EIF4E1B: variants seen among roughly 807,000 people sequenced by gnomAD.
EIF4E1B encodes the protein eukaryotic translation initiation factor 4E type 1B.
Under a neutral mutation model 31.3 loss-of-function variants are expected in EIF4E1B, and 22 were observed. That is an observed-to-expected ratio of 0.70 (90% CI 0.50 to 1.00). The LOEUF is 1.00. EIF4E1B is among the 50% of genes least tolerant of loss of function. The pLI, the probability that EIF4E1B is intolerant of heterozygous loss-of-function variation, is 0.00. For synonymous variants in EIF4E1B, 126 were observed against 120.2 expected, an observed-to-expected ratio of 1.05 and a Z score of -0.31; for missense variants, 290 against 311.6, an observed-to-expected ratio of 0.93 and a Z score of 0.52.
At chr5:176,631,907 G>C (rs573968338) in intron 1 of EIF4E1B, among the ~76,000 whole-genome samples, 1 of 152,234 alleles carries the variant, frequency 6.6e-6, no homozygotes, top group East Asian at 1.9e-4. Flanking sequence ...AACTGAAAAT[G>C]ATCTAAATGA....
intron 1 of EIF4E1B, among the ~76,000 whole-genome samples, chr5:176,636,203 C>A (rs562561484): frequency 8.5e-5 from 13 of 152,326 alleles, no homozygotes; most frequent in African/African-American, 2.9e-4. Context: ...TACTGGGTCA[C>A]CACTCTCTAG....
At chr5:176,640,154 C>T (rs1321908583) in intron 1 of EIF4E1B, among the ~76,000 whole-genome samples, 1 of 152,224 alleles carries the variant, frequency 6.6e-6, no homozygotes, top group Non-Finnish European at 1.5e-5. Context: ...TCTTGGGATG[C>T]TTGCTCTGGG....
chr5:176,638,922 C>T lies in EIF4E1B; in HGVS notation c.-201-3121C>T, dbSNP rs1008757019. On this transcript the variant is annotated intron_variant, in intron 1 of 8. Coordinates refer to ENST00000318682, the MANE Select transcript of EIF4E1B (RefSeq NM_001099408.2). The surrounding 1 kb of genome is among the most constrained non-coding windows in gnomAD (Gnocchi z 4.3). ...CCCAAGTAGCTGGGATTACAGGTGC[C>T]TGCCACCATGCCCAACTAGTTTTGT... Among the ~76,000 whole-genome samples the T allele has an allele frequency of 6.6e-6, 1 of 152,126 alleles. No homozygotes were observed. The highest frequency in any genetic ancestry group is 1.5e-5 in the Non-Finnish European group (1 of 68,034).
chr5:176,635,798 TTGTC>T (rs1355281090), intron 1 of EIF4E1B, among the ~76,000 whole-genome samples: 2 of 151,946 alleles, frequency 1.3e-5, no homozygotes, highest in African/African-American at 4.8e-5. Context: ...TATCTGCCAG[TTGTC>T]TGTCTTTTTC....
intron 1 of EIF4E1B, among the ~76,000 whole-genome samples, chr5:176,635,605 C>T (rs542166591): frequency 6.6e-6 from 1 of 152,290 alleles, no homozygotes; most frequent in Admixed American, 6.5e-5. Context: ...TTAAACAAGT[C>T]CAGTGGTGGG....
chr5:176,643,124 G>A lies in EIF4E1B; in HGVS notation c.58G>A (p.Glu20Lys), dbSNP rs759996438. 3.7e-6 allele frequency: 6 copies of A among 1,613,288 alleles called. No individual in the cohort carries two copies. Among genetic ancestry groups the A allele is most frequent in the Non-Finnish European group, 5.1e-6 (6 of 1,179,772 alleles). ...EGGIREWEEE[E>K]KEEEAAERTP... ...TGGAATCCGAGAGTGGGAGGAGGAG[G>A]AGAAGGAGGAGGAGGCAGCAGAGAG... Residue 20 changes from glutamate (E) to lysine (K), a missense_variant, in exon 4 of 9, where the codon GAG becomes AAG. Glu to Lys is a moderately conservative substitution (Grantham distance 56, BLOSUM62 1). Coordinates refer to ENST00000318682, the MANE Select transcript of EIF4E1B (RefSeq NM_001099408.2).
chr5:176,643,851 T>C (rs1760642768), intron 5 of EIF4E1B, 117 bp downstream of exon 5: 2 of 1,099,432 alleles, frequency 1.8e-6, no homozygotes, highest in Non-Finnish European at 2.6e-6. Flanking sequence ...GCTGGGGCTT[T>C]GTGGGTTCTG....
intron 3 of EIF4E1B, 139 bp from the exon 4 acceptor site, chr5:176,642,943 G>A: frequency 6.8e-7 from 1 of 1,462,592 alleles, no homozygotes; most frequent in Non-Finnish European, 9.1e-7. Flanking sequence ...GTCCTCCATG[G>A]AGTTTGAGCT....
rs1173485960 is a variant in EIF4E1B at position 176,643,154 on chromosome 5, C to G, written c.88C>G (p.Pro30Ala). ...EKEEEAAERT[P>A]TGEKSPNSPR... ...GGAGGAGGAGGCAGCAGAGAGGACG[C>G]CCACAGGAGAAAAGTCTCCAAACTC... Residue 30 changes from proline to alanine, a missense_variant, in exon 4 of 9, where the codon CCC (proline) becomes GCC (alanine). Physicochemically the swap from Pro to Ala is conservative, Grantham distance 27. Transcript: ENST00000318682. 4 of 1,613,826 alleles carry G rather than the reference C, an allele frequency of 2.5e-6. No homozygotes were observed. The East Asian group carries it at 8.9e-5, about 36-fold the overall frequency.
At position 176,646,044 on chromosome 5, in the gene EIF4E1B, G is replaced by A; in HGVS notation, c.*64G>A. 2 of 1,404,202 alleles carry A rather than the reference G, an allele frequency of 1.4e-6. No homozygotes were observed. The highest frequency in any genetic ancestry group is 2.0e-6 in the Non-Finnish European group (2 of 1,015,734). 87.0% of individuals were successfully genotyped at this position (1,404,202 alleles called of 1,614,324 possible). On this transcript the variant is annotated 3_prime_UTR_variant, in exon 9 of 9. Transcript: ENST00000318682. ...GCCACTGAGCCTCATTACTTTGGGG[G>A]ATGGGGCGGGACTGGGGATCAGACA... is the stretch of plus-strand genomic sequence containing the variant.
Position 176,646,026 on chromosome 5 carries a change from A to C in EIF4E1B, c.*46A>C. The C allele has an allele frequency of 6.6e-7, 1 of 1,510,802 alleles. No homozygotes were observed. Among genetic ancestry groups the C allele is most frequent in the East Asian group, 2.4e-5 (1 of 41,228 alleles). The allele number at this position is 1,510,802 out of a possible 1,614,324, so 93.6% of individuals were successfully genotyped here. A position where few individuals can be genotyped will look rare whatever the true frequency, so the allele number is the denominator to read the frequency against. ...CTATGTAATGGGACAGCCGCCACTG[A>C]GCCTCATTACTTTGGGGGATGGGGC... On this transcript the variant is annotated 3_prime_UTR_variant, in exon 9 of 9. Transcript: ENST00000318682.
At chr5:176,643,500 C>G in intron 4 of EIF4E1B, 139 bp from the exon 5 acceptor site, 1 of 900,130 alleles carries the variant, frequency 1.1e-6, no homozygotes, top group Non-Finnish European at 1.7e-6. Flanking sequence ...TTTCATTCAC[C>G]TGAGAGGGGA....
intron 1 of EIF4E1B, among the ~76,000 whole-genome samples, chr5:176,635,790 T>C (rs568891629): frequency 6.6e-6 from 1 of 152,254 alleles, no homozygotes; most frequent in African/African-American, 2.4e-5. Context: ...AAAAAGAATA[T>C]CTGCCAGTTG....
chr5:176,642,615 A>T, intron 2 of EIF4E1B, 95 bp from the exon 3 acceptor site: 2 of 1,052,204 alleles, frequency 1.9e-6, no homozygotes, highest in Non-Finnish European at 2.7e-6. Context: ...TGCCATCGGC[A>T]GGGCCGTCCA....
At chr5:176,642,844 C>G in intron 3 of EIF4E1B, 42 bp downstream of exon 3, 1 of 1,433,574 alleles carries the variant, frequency 7.0e-7, no homozygotes, top group Non-Finnish European at 9.2e-7. Flanking sequence ...ACCATGGCCC[C>G]GCCCTCTCCC....
At chr5:176,635,337 G>C (rs1018171629) in intron 1 of EIF4E1B, among the ~76,000 whole-genome samples, 2 of 152,092 alleles carry the variant, frequency 1.3e-5, no homozygotes, top group African/African-American at 4.8e-5. Flanking sequence ...TGGGTGACTG[G>C]GGAGCTGAAT....
At position 176,638,183 on chromosome 5, in the gene EIF4E1B, G is replaced by A. The variant is rs1760524185; in HGVS notation, c.-201-3860G>A. Among the ~76,000 whole-genome samples, 1 of 152,168 alleles carries A rather than the reference G, an allele frequency of 6.6e-6. No individual in the cohort carries two copies. On this transcript the variant is annotated intron_variant, in intron 1 of 8. Transcript: ENST00000318682. The surrounding 1 kb of genome is among the most constrained non-coding windows in gnomAD (Gnocchi z 4.3). ...GTAGATACCCAGATGGAGCTGTCGG[G>A]CGGGCAGTTGGATATGCTCTTCTGG...
intron 1 of EIF4E1B, among the ~76,000 whole-genome samples, chr5:176,631,757 G>A (rs1760393771): frequency 6.6e-6 from 1 of 152,140 alleles, no homozygotes; most frequent in Non-Finnish European, 1.5e-5. Context: ...ATCTGGCAAT[G>A]TTTACCAAGC....
At chr5:176,639,633 C>T (rs919187538) in intron 1 of EIF4E1B, among the ~76,000 whole-genome samples, 3 of 152,076 alleles carry the variant, frequency 2.0e-5, no homozygotes, top group Admixed American at 2.0e-4. Flanking sequence ...GATCTAGATT[C>T]CTGGCCGGCA....
Sources: gnomAD v4.1 joint callset for allele counts (sites outside exome capture counted in the v4.1 genomes callset) on GRCh38, gnomAD v4.1.1 for gene constraint, Gnocchi (gnomAD v3.1) non-coding constraint, MANE v1.5 for transcripts, NCBI Gene and HGNC (gene_info 2026-07-23, HGNC 2026-07-21) for gene names.